ROR1: variants seen among roughly 807,000 people sequenced by gnomAD.
ROR1 encodes ROR family WNT receptor 1.
Under a neutral mutation model 78.8 loss-of-function variants are expected in ROR1, and 19 were observed. That is an observed-to-expected ratio of 0.24 (90% CI 0.17 to 0.35). ROR1 has a LOEUF of 0.35. Among genes scored for constraint, ROR1 ranks in the 10% least tolerant of loss-of-function variants. ROR1 has a pLI of 1.00. For missense variants in ROR1, 917 were observed against 1,177.8 expected, an observed-to-expected ratio of 0.78 and a Z score of 3.24; for synonymous variants, 386 against 433.6, an observed-to-expected ratio of 0.89 and a Z score of 1.36.
chr1:63,862,308 C>T (rs1040537723), intron 1 of ROR1, among the ~76,000 whole-genome samples: 9 of 147,822 alleles, frequency 6.1e-5, no homozygotes, highest in Admixed American at 6.9e-5. Context: ...ACAGGAGAAT[C>T]GCTTGAACCC....
chr1:64,113,311 A>G (rs1648183443), intron 4 of ROR1, among the ~76,000 whole-genome samples: 1 of 152,238 alleles, frequency 6.6e-6, no homozygotes, highest in South Asian at 2.1e-4. Flanking sequence ...AAAGAGGCAC[A>G]CCATATCTAT....
intron 4 of ROR1, chr1:64,108,393 T>G (rs1647922702): frequency 1.6e-5 from 1 of 63,248 alleles, no homozygotes; most frequent in Non-Finnish European, 2.5e-5. Context: ...TGAGACTCCA[T>G]CTAAAAAAAA....
intron 2 of ROR1, among the ~76,000 whole-genome samples, chr1:64,014,773 T>TATATATATATATATAGATATATACAC (rs71056017): frequency 2.1e-5 from 1 of 46,996 alleles, no homozygotes; most frequent in Non-Finnish European, 4.6e-5. Flanking sequence ...TATATATATA[T>TATATATATATATATAGATATATACAC]ACACATTTTG....
intron 1 of ROR1, among the ~76,000 whole-genome samples, chr1:63,976,969 A>C (rs569869545): frequency 1.3e-5 from 2 of 152,196 alleles, no homozygotes; most frequent in Non-Finnish European, 2.9e-5. Flanking sequence ...ACAGTTCCGC[A>C]TATCTGGGGA....
intron 1 of ROR1, among the ~76,000 whole-genome samples, chr1:63,892,709 T>A (rs774501519): frequency 1.1e-4 from 17 of 152,126 alleles, no homozygotes; most frequent in Non-Finnish European, 2.5e-4. Context: ...CTGCCACCAC[T>A]AATGAGCCCT....
chr1:63,855,454 G>A (rs576540249), intron 1 of ROR1, among the ~76,000 whole-genome samples: 12 of 152,120 alleles, frequency 7.9e-5, no homozygotes, highest in Non-Finnish European at 1.6e-4. Flanking sequence ...GCCAGTTGAA[G>A]TTGTTCCTCA....
At chr1:63,794,678 G>A (rs1644748468) in intron 1 of ROR1, among the ~76,000 whole-genome samples, 1 of 152,234 alleles carries the variant, frequency 6.6e-6, no homozygotes, top group African/African-American at 2.4e-5. Context: ...AAAATGCAGT[G>A]GCTTGACTGC....
At chr1:63,884,810 A>G (rs1645346009) in intron 1 of ROR1, among the ~76,000 whole-genome samples, 1 of 151,724 alleles carries the variant, frequency 6.6e-6, no homozygotes, top group Non-Finnish European at 1.5e-5. Context: ...CTCCGGGAAA[A>G]GTGCCTGACT....
chr1:63,873,397 G>A (rs1495190), intron 1 of ROR1, among the ~76,000 whole-genome samples: 8,468 of 152,096 alleles, frequency 0.056, 594 homozygotes, highest in African/African-American at 0.15. Context: ...CCTCCAACCC[G>A]TTCTTTAAAA....
chr1:63,916,911 C>T (rs970370772), intron 1 of ROR1, among the ~76,000 whole-genome samples: 3 of 152,240 alleles, frequency 2.0e-5, no homozygotes, highest in Non-Finnish European at 2.9e-5. Context: ...ACCATTCTCT[C>T]TGCAGTTGCT....
intron 2 of ROR1, chr1:64,028,961 A>G (rs1437902115): frequency 4.6e-5 from 7 of 152,056 alleles, no homozygotes; most frequent in Non-Finnish European, 5.9e-5. Flanking sequence ...TCTTCTCTTT[A>G]TTGTTCTGAT....
At chr1:63,885,697 G>T (rs1645352081) in intron 1 of ROR1, among the ~76,000 whole-genome samples, 1 of 152,108 alleles carries the variant, frequency 6.6e-6, no homozygotes, top group Admixed American at 6.5e-5. Flanking sequence ...CTTCCTGAAA[G>T]CATTTTTCTC....
chr1:64,130,811 A>G (rs2762847), intron 4 of ROR1, among the ~76,000 whole-genome samples: 100,773 of 152,074 alleles, frequency 0.66, 34,163 homozygotes, highest in East Asian at 0.97. Flanking sequence ...ATGTAGCCCC[A>G]TTTTTATTAA....
intron 1 of ROR1, among the ~76,000 whole-genome samples, chr1:63,973,096 G>T (rs1013256250): frequency 6.6e-6 from 1 of 152,132 alleles, no homozygotes; most frequent in African/African-American, 2.4e-5. Context: ...CCACCTGCAG[G>T]CCTGTCTTGG....
At chr1:64,030,038 T>G (rs536470010) in intron 2 of ROR1, among the ~76,000 whole-genome samples, 7 of 152,242 alleles carry the variant, frequency 4.6e-5, no homozygotes, top group Non-Finnish European at 8.8e-5. Context: ...TTTTTTTGAC[T>G]GTATTTTGAT....
chr1:63,802,568 G>T (rs919717997), intron 1 of ROR1, among the ~76,000 whole-genome samples: 1 of 152,184 alleles, frequency 6.6e-6, no homozygotes, highest in Non-Finnish European at 1.5e-5. Flanking sequence ...TTGAAGGTGC[G>T]TTGGAAGCAG....
chr1:63,850,849 C>T (rs761300270), intron 1 of ROR1, among the ~76,000 whole-genome samples: 1 of 152,156 alleles, frequency 6.6e-6, no homozygotes, highest in Admixed American at 6.6e-5. Context: ...GTTGGGGGTG[C>T]ATAGCAGGAG....
At chr1:63,794,758 G>A (rs763258867) in intron 1 of ROR1, among the ~76,000 whole-genome samples, 4 of 152,212 alleles carry the variant, frequency 2.6e-5, no homozygotes, top group Admixed American at 6.5e-5. Flanking sequence ...GAGCAGCGGA[G>A]GGAACATATC....
At chr1:63,895,984 A>G (rs1460062862) in intron 1 of ROR1, among the ~76,000 whole-genome samples, 1 of 152,094 alleles carries the variant, frequency 6.6e-6, no homozygotes, top group Non-Finnish European at 1.5e-5. Context: ...AAGGGCTCAC[A>G]GGTCGCTAGA....
Sources: gnomAD v4.1 joint callset for allele counts (sites outside exome capture counted in the v4.1 genomes callset) on GRCh38, gnomAD v4.1.1 for gene constraint, MANE v1.5 for transcripts, NCBI Gene and HGNC (gene_info 2026-07-23, HGNC 2026-07-21) for gene names.